Variants in SLC35F4 observed in about 807,000 individuals in gnomAD.
The protein encoded by SLC35F4 is chromosome 14 open reading frame 36.
Under a neutral mutation model 44.2 loss-of-function variants are expected in SLC35F4, and 24 were observed. The observed-to-expected ratio is 0.54, with a 90% CI of 0.39 to 0.76. SLC35F4 has a LOEUF of 0.76. SLC35F4 is among the 30% of genes least tolerant of loss of function. The pLI, the probability that SLC35F4 is intolerant of heterozygous loss-of-function variation, is 0.00. For missense variants in SLC35F4, 562 were observed against 586.1 expected (o/e 0.96, Z 0.42); for synonymous variants, 238 against 223.6 (o/e 1.06, Z -0.57).
At chr14:57,637,233 G>T (rs2073049745) in intron 1 of SLC35F4, among the ~76,000 whole-genome samples, 1 of 152,034 alleles carries the variant, frequency 6.6e-6, no homozygotes, top group South Asian at 2.1e-4. Context: ...TCAACCTGTA[G>T]AAAAAAGTGT....
intron 3 of SLC35F4, among the ~76,000 whole-genome samples, chr14:57,585,701 G>C (rs1227284094): frequency 6.6e-6 from 1 of 152,116 alleles, no homozygotes; most frequent in African/African-American, 2.4e-5. Context: ...ACCAGTAATA[G>C]CCAAATCATG....
intron 1 of SLC35F4, among the ~76,000 whole-genome samples, chr14:57,608,062 C>G (rs1249700949): frequency 6.6e-6 from 1 of 151,912 alleles, no homozygotes; most frequent in African/African-American, 2.4e-5. Context: ...GAAACTCATC[C>G]AAGGAGAGAT....
intron 1 of SLC35F4, among the ~76,000 whole-genome samples, chr14:57,698,876 T>C (rs777209650): frequency 7.9e-5 from 12 of 152,154 alleles, no homozygotes; most frequent in Non-Finnish European, 1.3e-4. Flanking sequence ...TCCACGCACC[T>C]CGGCCTTCCA....
At chr14:57,681,016 A>T (rs944640991) in intron 1 of SLC35F4, among the ~76,000 whole-genome samples, 3 of 151,620 alleles carry the variant, frequency 2.0e-5, no homozygotes, top group Non-Finnish European at 4.4e-5. Context: ...TTGGAAAAAA[A>T]CTACCTTTAA....
At chr14:57,858,406 C>T (rs1887338442) in intron 1 of SLC35F4, among the ~76,000 whole-genome samples, 1 of 151,898 alleles carries the variant, frequency 6.6e-6, no homozygotes, top group Non-Finnish European at 1.5e-5. Flanking sequence ...TGGAAAGCAT[C>T]ATTCTCAGCA....
At chr14:57,714,207 T>G (rs1241117728) in intron 1 of SLC35F4, among the ~76,000 whole-genome samples, 1 of 152,112 alleles carries the variant, frequency 6.6e-6, no homozygotes, top group Non-Finnish European at 1.5e-5. Flanking sequence ...TTTGACCCAT[T>G]CCAAAACAAA....
intron 1 of SLC35F4, among the ~76,000 whole-genome samples, chr14:57,693,090 C>G (rs954658536): frequency 6.6e-6 from 1 of 151,998 alleles, no homozygotes; most frequent in Admixed American, 6.6e-5. Flanking sequence ...TATGAGAGCC[C>G]GTTTTGATTC....
intron 1 of SLC35F4, among the ~76,000 whole-genome samples, chr14:57,773,078 C>A (rs1031242284): frequency 1.3e-5 from 2 of 152,028 alleles, no homozygotes; most frequent in Non-Finnish European, 2.9e-5. Flanking sequence ...CTCATAATTT[C>A]TCTGATGATC....
chr14:57,741,250 G>C (rs981440103), intron 1 of SLC35F4, among the ~76,000 whole-genome samples: 1 of 152,204 alleles, frequency 6.6e-6, no homozygotes, highest in Non-Finnish European at 1.5e-5. Context: ...GACGAGTTGA[G>C]AGAAGAAGGC....
At chr14:57,807,992 A>C (rs1006324236) in intron 1 of SLC35F4, among the ~76,000 whole-genome samples, 2 of 151,626 alleles carry the variant, frequency 1.3e-5, no homozygotes, top group Non-Finnish European at 2.9e-5. Flanking sequence ...AAACCATCGG[A>C]TCTTTTGAGA....
At chr14:57,596,666 T>G (rs1369539044) in intron 1 of SLC35F4, 1 of 706,032 alleles carries the variant, frequency 1.4e-6, no homozygotes, top group Non-Finnish European at 2.4e-6. Context: ...GGGATTGAGA[T>G]CAAATATTGT....
chr14:57,745,844 T>A lies in SLC35F4; in HGVS notation c.103+119879A>T, dbSNP rs1036269508. ...GACTTGGAACCAACCCAAATGTCCA[T>A]CAATGATAGACTGGATTAAGAAAAT... is the stretch of plus-strand genomic sequence containing the variant. On this transcript the variant is annotated intron_variant, in intron 1 of 7. Coordinates refer to ENST00000556826, the MANE Select transcript of SLC35F4 (RefSeq NM_001306087.2). 2.0e-5 allele frequency among the ~76,000 whole-genome samples: 3 copies of A among 152,252 alleles called. No homozygotes were observed. In the East Asian group the frequency reaches 5.8e-4, roughly 29 times the overall value.
intron 1 of SLC35F4, among the ~76,000 whole-genome samples, chr14:57,783,002 G>A (rs539810313): frequency 4.6e-5 from 7 of 151,922 alleles, no homozygotes; most frequent in Admixed American, 3.9e-4. Context: ...AAGGAAGGGA[G>A]CTGGGAGGGA....
At chr14:57,918,336 G>C (rs1403488653) in intron 1 of SLC35F4, among the ~76,000 whole-genome samples, 1 of 152,128 alleles carries the variant, frequency 6.6e-6, no homozygotes. Context: ...TCCTACCCCA[G>C]TACTGACTCC....
At chr14:57,869,108 A>G (rs559742964), upstream of SLC35F4, among the ~76,000 whole-genome samples, 13 of 152,224 alleles carry the variant, frequency 8.5e-5, no homozygotes, top group South Asian at 6.2e-4. Flanking sequence ...GAGTTTTGAT[A>G]TATGAGCCAT....
intron 1 of SLC35F4, among the ~76,000 whole-genome samples, chr14:57,627,110 A>T (rs576740211): frequency 1.8e-4 from 27 of 152,262 alleles, no homozygotes; most frequent in African/African-American, 6.5e-4. Context: ...TAAAGTTCAC[A>T]TTTTGCATTT....
At chr14:57,713,058 C>A (rs2140408604) in intron 1 of SLC35F4, among the ~76,000 whole-genome samples, 1 of 152,240 alleles carries the variant, frequency 6.6e-6, no homozygotes, top group Admixed American at 6.5e-5. Flanking sequence ...ATTATCCAAC[C>A]CTCTTTCCAG....
chr14:57,739,967 C>A (rs1413227177), intron 1 of SLC35F4, among the ~76,000 whole-genome samples: 1 of 152,140 alleles, frequency 6.6e-6, no homozygotes, highest in Admixed American at 6.5e-5. Context: ...TCAAGCAATT[C>A]TCCTGCCTCA....
In SLC35F4 at chr14:57,861,482, T is replaced by C. The variant is rs532332806; in HGVS notation, c.103+4241A>G. On this transcript the variant is annotated intron_variant, in intron 1 of 7. Transcript: ENST00000556826. The stretch of plus-strand genomic sequence containing the variant: ...AATCTTTAAAGAAAGAAAAACTTTC[T>C]TGAGCCTGCTTCCTCCATTTCTTCT... Among the ~76,000 whole-genome samples, 6 of 152,330 alleles carry C rather than the reference T, an allele frequency of 3.9e-5. No homozygotes were observed. In the East Asian group the frequency reaches 9.6e-4, roughly 24 times the overall value.
Sources: allele counts gnomAD v4.1 joint callset (sites outside exome capture counted in the v4.1 genomes callset), GRCh38; gene constraint gnomAD v4.1.1; transcripts MANE v1.5; gene names NCBI Gene and HGNC (gene_info 2026-07-23, HGNC 2026-07-21).